PHYHIPL: variants seen among roughly 807,000 people sequenced by gnomAD.
PHYHIPL encodes the protein phytanoyl-CoA hydroxylase-interacting protein-like.
Under a neutral mutation model 33.4 loss-of-function variants are expected in PHYHIPL, and 9 were observed. That is an observed-to-expected ratio of 0.27 (90% CI 0.16 to 0.47). The LOEUF (loss-of-function observed/expected upper bound fraction) is 0.47. Among genes scored for constraint, PHYHIPL ranks in the 20% least tolerant of loss-of-function variants. The pLI, the probability that PHYHIPL is intolerant of heterozygous loss-of-function variation, is 0.99. For missense variants in PHYHIPL, 365 were observed against 460.7 expected (o/e 0.79, Z 1.90); for synonymous variants, 153 against 154.1 (o/e 0.99, Z 0.05).
intron 1 of PHYHIPL, chr10:59,183,778 G>A (rs1018526078): frequency 2.0e-4 from 108 of 540,254 alleles, no homozygotes; most frequent in South Asian, 3.2e-4. Context: ...GGGCTGCTCC[G>A]TGGGGATTGT....
rs373375283 is a variant in PHYHIPL, at chr10:59,216,719, G to A, written c.107-17585G>A. Among the ~76,000 whole-genome samples, 40 of 152,228 alleles carry A rather than the reference G, an allele frequency of 2.6e-4. No homozygotes were observed. The East Asian group carries it at 4.6e-3, about 18-fold the overall frequency. ...TAGATTTGACTGGGTTTAAGAGTGTGTAGTAAGTGAAGAAATGGAGATAGC... is the reference window on the plus strand; with the variant it reads ...TAGATTTGACTGGGTTTAAGAGTGTATAGTAAGTGAAGAAATGGAGATAGC... On this transcript the variant is annotated intron_variant, in intron 1 of 4. Coordinates refer to ENST00000373880, the MANE Select transcript of PHYHIPL (RefSeq NM_032439.4).
At chr10:59,227,725 A>G (rs1160527959) in intron 1 of PHYHIPL, among the ~76,000 whole-genome samples, 9 of 152,158 alleles carry the variant, frequency 5.9e-5, no homozygotes, top group Admixed American at 1.3e-4. Context: ...AACCTCAAGA[A>G]GGCAAAAACA....
At chr10:59,175,939 A>G (rs1838240561), upstream of PHYHIPL, among the ~76,000 whole-genome samples, 2 of 152,236 alleles carry the variant, frequency 1.3e-5, no homozygotes, top group African/African-American at 4.8e-5. Flanking sequence ...GCCCCGCAGC[A>G]TGTCTGCCGC....
In PHYHIPL at chr10:59,247,169, T is replaced by C. The variant is rs916913629; in HGVS notation, c.*1578T>C. On this transcript the variant is annotated 3_prime_UTR_variant, in exon 5 of 5. Transcript: ENST00000373880. ...AGTTTCAAATAAATTGCTTTCTTGC[T>C]AGCTGTATTCCTTCCTACTTGAAAA... 6.3e-6 allele frequency: 1 copy of C among 158,856 alleles called. No homozygotes were observed. Among genetic ancestry groups the C allele is most frequent in the African/African-American group, 2.4e-5 (1 of 41,614 alleles). The allele number at this position is 158,856 out of a possible 1,614,324, so 9.8% of individuals were successfully genotyped here.
In PHYHIPL at chr10:59,213,489, C is replaced by T. The variant is rs771918002; in HGVS notation, c.107-20815C>T. ...CTTTATATGTTAGGATAACCAGCTA[C>T]GGGTATATTTACTCTCTGAAATGAA... On this transcript the variant is annotated intron_variant, in intron 1 of 4. Coordinates refer to ENST00000373880, the MANE Select transcript of PHYHIPL (RefSeq NM_032439.4). Among the ~76,000 whole-genome samples, 37 of 152,004 alleles carry T rather than the reference C, an allele frequency of 2.4e-4. 1 individual carries two copies. The highest frequency in any genetic ancestry group is 3.4e-4 in the Non-Finnish European group (23 of 68,010).
intron 1 of PHYHIPL, among the ~76,000 whole-genome samples, chr10:59,205,461 A>T (rs1839258782): frequency 6.6e-6 from 1 of 152,116 alleles, no homozygotes; most frequent in South Asian, 2.1e-4. Flanking sequence ...AATTGTTTTT[A>T]TTCTTTAAAG....
intron 4 of PHYHIPL, among the ~76,000 whole-genome samples, chr10:59,244,424 C>A (rs1840553969): frequency 6.6e-6 from 1 of 151,804 alleles, no homozygotes; most frequent in African/African-American, 2.4e-5. Context: ...ATTAGCTGGG[C>A]ATGGTGGCAT....
At chr10:59,173,940 T>TTTG (rs1564696387), upstream of PHYHIPL, among the ~76,000 whole-genome samples, 23 of 107,016 alleles carry the variant, frequency 2.1e-4, 1 homozygote, top group Non-Finnish European at 2.7e-4. Context: ...TTTTTTTTTT[T>TTTG]TTTTTTTTTT....
chr10:59,229,904 G>C (rs890162741), intron 1 of PHYHIPL, among the ~76,000 whole-genome samples: 1 of 152,148 alleles, frequency 6.6e-6, no homozygotes, highest in Non-Finnish European at 1.5e-5. Context: ...TTAGGTTTCA[G>C]TTCATCCACA....
chr10:59,239,351 C>T (rs556039884), intron 4 of PHYHIPL, among the ~76,000 whole-genome samples: 2 of 151,916 alleles, frequency 1.3e-5, no homozygotes, highest in Non-Finnish European at 2.9e-5. Flanking sequence ...CACGGAAACT[C>T]CCCTTTTAAA....
intron 1 of PHYHIPL, among the ~76,000 whole-genome samples, chr10:59,182,570 C>T (rs897280196): frequency 6.6e-6 from 1 of 151,982 alleles, no homozygotes; most frequent in Non-Finnish European, 1.5e-5. Context: ...CTTGAACTCC[C>T]GACCTCGTGA....
intron 1 of PHYHIPL, among the ~76,000 whole-genome samples, chr10:59,178,882 T>G (rs1449531841): frequency 6.6e-6 from 1 of 152,088 alleles, no homozygotes; most frequent in Admixed American, 6.6e-5. Flanking sequence ...CATTTAATTT[T>G]GGGGAGGGTG....
intron 1 of PHYHIPL, among the ~76,000 whole-genome samples, chr10:59,185,034 A>G (rs1275112249): frequency 8.1e-6 from 1 of 123,172 alleles, no homozygotes; most frequent in Non-Finnish European, 1.6e-5. Context: ...TCTGCCACCC[A>G]GACTGGAGTG....
chr10:59,229,504 A>C lies in PHYHIPL; in HGVS notation c.107-4800A>C, dbSNP rs569864490. Among the ~76,000 whole-genome samples the C allele has an allele frequency of 2.6e-5, 4 of 152,286 alleles. No individual in the cohort carries two copies. In the South Asian group the frequency reaches 8.3e-4, roughly 32 times the overall value. On this transcript the variant is annotated intron_variant, in intron 1 of 4. Transcript: ENST00000373880. ...AAATATGGAAGTGTGAGTAATCTCTACTACGGAATAGATAATTTATAGAAT... is the reference window on the plus strand; with the variant it reads ...AAATATGGAAGTGTGAGTAATCTCTCCTACGGAATAGATAATTTATAGAAT...
intron 1 of PHYHIPL, among the ~76,000 whole-genome samples, chr10:59,222,722 G>T (rs113677839): frequency 5.7e-5 from 1 of 17,480 alleles, no homozygotes; most frequent in Non-Finnish European, 1.0e-4. Context: ...AAAGTGGGGG[G>T]GGTTTCAAAA....
At chr10:59,239,673 G>A (rs771801056) in intron 4 of PHYHIPL, among the ~76,000 whole-genome samples, 1 of 151,976 alleles carries the variant, frequency 6.6e-6, no homozygotes, top group Non-Finnish European at 1.5e-5. Flanking sequence ...TATCCTGCAG[G>A]TAGTTTTTAT....
intron 1 of PHYHIPL, among the ~76,000 whole-genome samples, chr10:59,224,122 T>C (rs2133263835): frequency 6.6e-6 from 1 of 152,358 alleles, no homozygotes; most frequent in Non-Finnish European, 1.5e-5. Flanking sequence ...TAGTTTCTTG[T>C]TGGGCTTCTA....
chr10:59,238,961 G>A (rs1411813581), intron 4 of PHYHIPL, among the ~76,000 whole-genome samples: 1 of 151,758 alleles, frequency 6.6e-6, no homozygotes, highest in East Asian at 1.9e-4. Context: ...TAAACCTGTG[G>A]TATTTAGATC....
chr10:59,186,132 T>G (rs1838594132), intron 1 of PHYHIPL, among the ~76,000 whole-genome samples: 1 of 152,202 alleles, frequency 6.6e-6, no homozygotes, highest in Admixed American at 6.5e-5. Context: ...CATCTTGAAT[T>G]AATTTTTGTA....
Sources: gnomAD v4.1 joint callset for allele counts (sites outside exome capture counted in the v4.1 genomes callset) on GRCh38, gnomAD v4.1.1 for gene constraint, MANE v1.5 for transcripts, NCBI Gene and HGNC (gene_info 2026-07-23, HGNC 2026-07-21) for gene names.